DOK6: variants seen among roughly 807,000 people sequenced by gnomAD.
The protein encoded by DOK6 is docking protein 6.
In DOK6, 22 loss-of-function variants were observed where a neutral mutation model predicts 44.0. The observed-to-expected ratio is 0.50, with a 90% CI of 0.36 to 0.71. The LOEUF (loss-of-function observed/expected upper bound fraction) is 0.71, where lower values mean the gene tolerates loss of function less well. Ranked by LOEUF, DOK6 falls within the 30% of genes least tolerant of loss-of-function variation. The pLI is 0.00. For synonymous variants in DOK6, 166 were observed against 145.5 expected (o/e 1.14, Z -1.01); for missense variants, 340 against 416.4 (o/e 0.82, Z 1.60).
At chr18:69,832,309 T>C (rs7233819) in intron 7 of DOK6, among the ~76,000 whole-genome samples, 7,259 of 152,220 alleles carry the variant, frequency 0.048, 252 homozygotes, top group Non-Finnish European at 0.07. Flanking sequence ...TTTTAGTCCT[T>C]GATTTTGTTG....
chr18:69,617,708 A>AAAG (rs1353842996), intron 3 of DOK6, among the ~76,000 whole-genome samples: 6 of 67,782 alleles, frequency 8.9e-5, no homozygotes, highest in African/African-American at 2.4e-4. Context: ...CGGAAAGAGA[A>AAAG]AAGAAAGAAA....
Position 69,409,053 on chromosome 18 carries a change from G to A in DOK6, c.66+7743G>A, listed in dbSNP as rs544891423. 2.6e-5 allele frequency among the ~76,000 whole-genome samples: 4 copies of A among 152,174 alleles called. No homozygotes were observed. The East Asian group carries it at 5.8e-4, about 22-fold the overall frequency. On this transcript the variant is annotated intron_variant, in intron 1 of 7. Transcript: ENST00000382713. Reference sequence around the variant, plus strand: ...GTGTCATGGGAGGGACCCGGTGGGAGGTAACTGAATCATGGGAGTGGTTTC... The same window carrying A: ...GTGTCATGGGAGGGACCCGGTGGGAAGTAACTGAATCATGGGAGTGGTTTC...
At chr18:69,586,915 T>C (rs1410285588) in intron 2 of DOK6, among the ~76,000 whole-genome samples, 1 of 151,924 alleles carries the variant, frequency 6.6e-6, no homozygotes, top group Non-Finnish European at 1.5e-5. Context: ...CAATCAAAAA[T>C]AAATAATAAA....
At chr18:69,711,077 G>A (rs1986745048) in intron 5 of DOK6, among the ~76,000 whole-genome samples, 1 of 152,150 alleles carries the variant, frequency 6.6e-6, no homozygotes, top group East Asian at 1.9e-4. Flanking sequence ...TTCAAATAGA[G>A]GTGAGAAAAA....
rs1568256304 is a variant in DOK6 at position 69,434,929 on chromosome 18, AGGG to A, written c.66+33620_66+33622del. ...GAGCGAGGCTCTGTCAAAAGAAAAA[AGGG>A]AGGGAGGGAGGGAGGGAGGGAGGGA... On this transcript the variant is annotated intron_variant, in intron 1 of 7. Coordinates refer to ENST00000382713, the MANE Select transcript of DOK6 (RefSeq NM_152721.6). Among the ~76,000 whole-genome samples the A allele has an allele frequency of 1.3e-4, 3 of 22,462 alleles. No homozygotes were observed. The Admixed American group carries it at 1.5e-3, about 11-fold the overall frequency. 14.7% of individuals were successfully genotyped at this position (22,462 alleles called of 152,430 possible).
chr18:69,487,184 TG>T (rs1980603379), intron 1 of DOK6, among the ~76,000 whole-genome samples: 1 of 60,744 alleles, frequency 1.6e-5, no homozygotes, highest in Non-Finnish European at 3.8e-5. Flanking sequence ...GATATGTGTG[TG>T]TGTGTGTGTG....
chr18:69,483,422 T>C (rs1319763325), intron 1 of DOK6, among the ~76,000 whole-genome samples: 1 of 152,010 alleles, frequency 6.6e-6, no homozygotes, highest in African/African-American at 2.4e-5. Flanking sequence ...TACAGTGATG[T>C]TATTAGATGA....
At chr18:69,649,704 C>A (rs1039564950) in intron 3 of DOK6, among the ~76,000 whole-genome samples, 3 of 151,800 alleles carry the variant, frequency 2.0e-5, no homozygotes, top group African/African-American at 7.3e-5. Flanking sequence ...AAATCAAGGA[C>A]AAAGAAACAT....
intron 6 of DOK6, among the ~76,000 whole-genome samples, chr18:69,750,999 C>T (rs1333620614): frequency 6.6e-6 from 1 of 151,886 alleles, no homozygotes; most frequent in Non-Finnish European, 1.5e-5. Context: ...GTTAAATAAA[C>T]CAGACACAAA....
chr18:69,764,428 C>G (rs762080959), intron 7 of DOK6, among the ~76,000 whole-genome samples: 1 of 152,100 alleles, frequency 6.6e-6, no homozygotes, highest in African/African-American at 2.4e-5. Context: ...ACCTCATGGG[C>G]GGTCATTAGG....
chr18:69,672,870 C>A (rs1425025510), intron 3 of DOK6, among the ~76,000 whole-genome samples: 1 of 152,090 alleles, frequency 6.6e-6, no homozygotes, highest in Non-Finnish European at 1.5e-5. Context: ...GTTTTATATT[C>A]TCTAAGCAAT....
intron 3 of DOK6, 39 bp downstream of exon 3, chr18:69,599,537 AGCT>A: frequency 6.4e-7 from 1 of 1,558,710 alleles, no homozygotes; most frequent in African/African-American, 1.4e-5. Context: ...GAGGAAATTG[AGCT>A]GCTTGTGAGA....
At chr18:69,689,647 G>A (rs1308305789) in intron 4 of DOK6, among the ~76,000 whole-genome samples, 3 of 152,044 alleles carry the variant, frequency 2.0e-5, no homozygotes, top group Non-Finnish European at 2.9e-5. Context: ...TCAGATTTTA[G>A]TACTCAATGT....
At chr18:69,698,370 C>CACAAAAAAAA in intron 4 of DOK6, 34 bp from the exon 5 acceptor site, 1 of 1,570,398 alleles carries the variant, frequency 6.4e-7, no homozygotes. Flanking sequence ...CACCTCTTTT[C>CACAAAAAAAA]ACTTAACCTT....
At chr18:69,743,896 T>C (rs1470449596) in intron 6 of DOK6, among the ~76,000 whole-genome samples, 1 of 151,900 alleles carries the variant, frequency 6.6e-6, no homozygotes, top group Non-Finnish European at 1.5e-5. Context: ...AAAAGCTCTG[T>C]ATACAGTGTA....
At chr18:69,807,175 GT>G (rs144076851) in intron 7 of DOK6, among the ~76,000 whole-genome samples, 22,108 of 151,314 alleles carry the variant, frequency 0.15, 1,722 homozygotes, top group East Asian at 0.23. Context: ...CAGTGTGGAG[GT>G]TTTTTTTAAT....
chr18:69,616,219 T>C (rs1984280730), intron 3 of DOK6, among the ~76,000 whole-genome samples: 1 of 152,164 alleles, frequency 6.6e-6, no homozygotes, highest in South Asian at 2.1e-4. Context: ...CTGGTGCTGC[T>C]TTGTTTCCCT....
intron 7 of DOK6, among the ~76,000 whole-genome samples, chr18:69,764,379 T>G (rs1354722365): frequency 6.7e-6 from 1 of 149,650 alleles, no homozygotes; most frequent in Non-Finnish European, 1.5e-5. Flanking sequence ...TCATCTTGAA[T>G]TGTAATCTGA....
chr18:69,433,574 T>C (rs1470132412), intron 1 of DOK6, among the ~76,000 whole-genome samples: 1 of 152,112 alleles, frequency 6.6e-6, no homozygotes, highest in Non-Finnish European at 1.5e-5. Context: ...ATGTAATACA[T>C]TGAGCCACAT....
Sources: gnomAD v4.1 joint callset for allele counts (sites outside exome capture counted in the v4.1 genomes callset) on GRCh38, gnomAD v4.1.1 for gene constraint, MANE v1.5 for transcripts, NCBI Gene and HGNC (gene_info 2026-07-23, HGNC 2026-07-21) for gene names.